The following ZNF618 variants were observed in gnomAD, a reference collection of about 807,000 sequenced individuals.
The protein encoded by ZNF618 is neural precursor cell expressed, developmentally down-regulated 10.
ZNF618 carries 34 observed loss-of-function variants against 103.0 expected under a neutral mutation model. That is an observed-to-expected ratio of 0.33 (90% confidence interval 0.25 to 0.44). ZNF618 has a LOEUF of 0.44. ZNF618 is among the 20% of genes least tolerant of loss of function. The pLI, the probability that ZNF618 is intolerant of heterozygous loss-of-function variation, is 1.00. For synonymous variants in ZNF618, 551 were observed against 542.2 expected, an observed-to-expected ratio of 1.02 and a Z score of -0.23; for missense variants, 1,059 against 1,295.4, an observed-to-expected ratio of 0.82 and a Z score of 2.80.
At chr9:113,923,346 G>A (rs1364565136) in intron 1 of ZNF618, among the ~76,000 whole-genome samples, 2 of 152,154 alleles carry the variant, frequency 1.3e-5, no homozygotes, top group Admixed American at 6.5e-5. Flanking sequence ...GGAATTATGA[G>A]AGAGGACATC....
rs554544432 is a variant in ZNF618 at position 114,038,888 on chromosome 9, G to A, written c.1246+2511G>A. Among the ~76,000 whole-genome samples the A allele has an allele frequency of 2.0e-4, 31 of 152,286 alleles. 1 individual carries two copies. In the South Asian group the frequency reaches 6.2e-3, roughly 31 times the overall value. On this transcript the variant is annotated intron_variant, in intron 13 of 14. Transcript: ENST00000374126. Reference sequence around the variant, plus strand: ...CAGCTCCTAAAAAAAGTATCCAATAGCATTTGAGCTTTTACGTGGCGCCAG... The same window carrying A: ...CAGCTCCTAAAAAAAGTATCCAATAACATTTGAGCTTTTACGTGGCGCCAG...
At chr9:113,961,729 C>T (rs1365255569) in intron 1 of ZNF618, among the ~76,000 whole-genome samples, 1 of 152,230 alleles carries the variant, frequency 6.6e-6, no homozygotes, top group East Asian at 1.9e-4. Context: ...TTTCCAGGAA[C>T]AGAATCCTCT....
intron 2 of ZNF618, 35 bp from the exon 3 acceptor site, chr9:113,988,286 G>A (rs755781041): frequency 6.3e-7 from 1 of 1,587,086 alleles, no homozygotes; most frequent in South Asian, 1.2e-5. Flanking sequence ...TGATCTGGAG[G>A]AAGAAGGTAT....
At chr9:113,976,555 G>C (rs902906652) in intron 2 of ZNF618, among the ~76,000 whole-genome samples, 1 of 152,202 alleles carries the variant, frequency 6.6e-6, no homozygotes, top group Non-Finnish European at 1.5e-5. Flanking sequence ...GAGTGTGACA[G>C]TTAACAGTGT....
At chr9:114,016,469 G>C (rs1842657172) in intron 9 of ZNF618, among the ~76,000 whole-genome samples, 1 of 152,170 alleles carries the variant, frequency 6.6e-6, no homozygotes, top group Non-Finnish European at 1.5e-5. Flanking sequence ...CCGTTTTATA[G>C]ATAGGAAAAC....
intron 1 of ZNF618, among the ~76,000 whole-genome samples, chr9:113,931,817 CTG>C (rs1833614802): frequency 6.6e-6 from 1 of 152,146 alleles, no homozygotes; most frequent in Non-Finnish European, 1.5e-5. Context: ...ATTAATTTCA[CTG>C]TTTCTTTTTA....
chr9:114,015,304 A>G (rs1310223010), intron 9 of ZNF618, among the ~76,000 whole-genome samples: 2 of 152,228 alleles, frequency 1.3e-5, no homozygotes, highest in African/African-American at 2.4e-5. Context: ...ATAAATGTCA[A>G]TATGCCTGTA....
chr9:113,927,587 AG>A (rs1169023932), intron 1 of ZNF618, among the ~76,000 whole-genome samples: 1 of 152,110 alleles, frequency 6.6e-6, no homozygotes, highest in African/African-American at 2.4e-5. Context: ...TTAACCCCTT[AG>A]GTGAGACAGG....
intron 2 of ZNF618, among the ~76,000 whole-genome samples, chr9:113,972,516 T>G (rs935530751): frequency 6.6e-6 from 1 of 151,980 alleles, no homozygotes; most frequent in Non-Finnish European, 1.5e-5. Flanking sequence ...GTCTGACTTC[T>G]GTGATGCACT....
At position 114,050,438 on chromosome 9, in the gene ZNF618, A is replaced by ACG. The variant is rs764774833; in HGVS notation, c.*272_*273insGC. The stretch of plus-strand genomic sequence containing the variant: ...CTCCATGGCCAGAGAAACTTTGCAC[A>ACG]CACGCACACACACACACACACACAC... On this transcript the variant is annotated 3_prime_UTR_variant, in exon 15 of 15. Coordinates refer to ENST00000374126, the MANE Select transcript of ZNF618 (RefSeq NM_001318042.2). The ACG allele has an allele frequency of 2.1e-5, 7 of 341,458 alleles. No homozygotes were observed. Among genetic ancestry groups the ACG allele is most frequent in the African/African-American group, 1.3e-4 (5 of 37,742 alleles). 21.2% of individuals were successfully genotyped at this position (341,458 alleles called of 1,614,324 possible).
intron 1 of ZNF618, among the ~76,000 whole-genome samples, chr9:113,912,971 C>T (rs796566462): frequency 7.2e-5 from 11 of 152,298 alleles, no homozygotes; most frequent in African/African-American, 2.6e-4. Context: ...GCGGCTGTTA[C>T]TCCAGACATT....
rs116886578 is a variant in ZNF618, at chr9:113,919,909, C to A, written c.33+43496C>A. ...CTGCAGAGCTGATGCACAGCCTTCG[C>A]GTCACCCCAGGCTCACCTTCTTATG... On this transcript the variant is annotated intron_variant, in intron 1 of 14. Transcript: ENST00000374126. Among the ~76,000 whole-genome samples, 1,414 of 152,372 alleles carry A rather than the reference C, an allele frequency of 9.3e-3. 15 individuals are homozygous for A. The highest frequency in any genetic ancestry group is 0.034 in the Middle Eastern group (10 of 294).
intron 1 of ZNF618, among the ~76,000 whole-genome samples, chr9:113,888,922 CAA>C (rs981804657): frequency 1.2e-4 from 19 of 152,274 alleles, no homozygotes; most frequent in African/African-American, 3.4e-4. Flanking sequence ...TTGGAACAGA[CAA>C]GAGAGATTTA....
rs570006563 is a variant in ZNF618, at chr9:113,965,287, C to T, written c.34-3830C>T. Reference sequence around the variant, plus strand: ...TAATGTCTTACAACTTACATTTGCACAAATTTAGAAATAAAATTTCTGGGT... The same window carrying T: ...TAATGTCTTACAACTTACATTTGCATAAATTTAGAAATAAAATTTCTGGGT... On this transcript the variant is annotated intron_variant, in intron 1 of 14. Coordinates refer to ENST00000374126, the MANE Select transcript of ZNF618 (RefSeq NM_001318042.2). Among the ~76,000 whole-genome samples, 278 of 152,098 alleles carry T rather than the reference C, an allele frequency of 1.8e-3. 1 individual carries two copies. The highest frequency in any genetic ancestry group is 2.7e-3 in the Non-Finnish European group (187 of 68,016).
intron 2 of ZNF618, among the ~76,000 whole-genome samples, chr9:113,977,659 C>T (rs139104719): frequency 6.6e-6 from 1 of 152,278 alleles, no homozygotes; most frequent in East Asian, 1.9e-4. Flanking sequence ...CAGAATTGCA[C>T]CATTGCCAGA....
Position 113,938,921 on chromosome 9 carries a change from G to C in ZNF618, c.34-30196G>C, listed in dbSNP as rs77433627. ...ATTGTTGATATGTAGGAAAGCTGTT[G>C]ACTTGCGAATATTTATCCTGTATCT... On this transcript the variant is annotated intron_variant, in intron 1 of 14. Coordinates refer to ENST00000374126, the MANE Select transcript of ZNF618 (RefSeq NM_001318042.2). Among the ~76,000 whole-genome samples the C allele has an allele frequency of 2.0e-5, 3 of 152,092 alleles. No individual in the cohort carries two copies. In the East Asian group the frequency reaches 5.8e-4, roughly 29 times the overall value.
At chr9:114,031,986 A>T (rs961987992) in intron 11 of ZNF618, among the ~76,000 whole-genome samples, 1 of 152,180 alleles carries the variant, frequency 6.6e-6, no homozygotes, top group Non-Finnish European at 1.5e-5. Flanking sequence ...TCCAGAGAGC[A>T]CTTGGAAGAG....
chr9:113,916,807 CT>C (rs1832136240), intron 1 of ZNF618, among the ~76,000 whole-genome samples: 1 of 152,254 alleles, frequency 6.6e-6, no homozygotes, highest in Admixed American at 6.5e-5. Flanking sequence ...AAACATTGCT[CT>C]GTCCCAATTC....
intron 2 of ZNF618, among the ~76,000 whole-genome samples, chr9:113,974,547 A>G (rs1386902821): frequency 2.6e-5 from 4 of 152,232 alleles, no homozygotes; most frequent in Non-Finnish European, 4.4e-5. Flanking sequence ...GGTTCAGGAC[A>G]GACAGGACCT....
Sources: gnomAD v4.1 joint callset for allele counts (sites outside exome capture counted in the v4.1 genomes callset) on GRCh38, gnomAD v4.1.1 for gene constraint, MANE v1.5 for transcripts, NCBI Gene and HGNC (gene_info 2026-07-23, HGNC 2026-07-21) for gene names.